PSMD5: variants seen among roughly 807,000 people sequenced by gnomAD.
PSMD5 encodes the protein proteasome 26S subunit, non-ATPase 5, also known as 26S proteasome non-ATPase regulatory subunit 5.
PSMD5 carries 40 observed loss-of-function variants against 52.1 expected under a neutral mutation model. That is an observed-to-expected ratio of 0.77 (90% confidence interval 0.60 to 1.00). PSMD5 has a LOEUF of 1.00. Ranked by LOEUF, PSMD5 falls within the 50% of genes least tolerant of loss-of-function variation. The probability of loss-of-function intolerance (pLI) is 0.00; values close to 1 mark genes in which losing one functional copy is unlikely to be tolerated. For synonymous variants in PSMD5, 211 were observed against 226.6 expected, an observed-to-expected ratio of 0.93 and a Z score of 0.62; for missense variants, 575 against 605.2, an observed-to-expected ratio of 0.95 and a Z score of 0.52.
chr9:120,831,600 TC>T lies in PSMD5; in HGVS notation c.433-142del. 3 of 1,178,934 alleles carry T rather than the reference TC, an allele frequency of 2.5e-6. No individual in the cohort carries two copies. In the South Asian group the frequency reaches 4.8e-5, roughly 19 times the overall value. 73.0% of individuals were successfully genotyped at this position (1,178,934 alleles called of 1,614,324 possible). A position where few individuals can be genotyped will look rare whatever the true frequency, so the allele number is the denominator to read the frequency against. On this transcript the variant is annotated intron_variant, in intron 3 of 9. Coordinates refer to ENST00000210313, the MANE Select transcript of PSMD5 (RefSeq NM_005047.4). ...TTATAATTGGAAAAGACGCAAGGTA[TC>T]CCCCATAGAATTATGATGGATACTG... is the stretch of plus-strand genomic sequence containing the variant.
At position 120,821,457 on chromosome 9, in the gene PSMD5, G is replaced by A. The variant is rs749246640; in HGVS notation, c.1014C>T (p.Arg338=). 1 of 1,587,188 alleles carries A rather than the reference G, an allele frequency of 6.3e-7. No homozygotes were observed. Among genetic ancestry groups the A allele is most frequent in the Non-Finnish European group, 8.6e-7 (1 of 1,168,536 alleles). Residue 338 remains arginine, a synonymous_variant, in exon 8 of 10, where the codon CGC becomes CGT. Transcript: ENST00000210313. ...CTATTCTCATAAGCAAGCGTTCAAA[G>A]CGAGTTCCTTTGAAGGATAACAGTG... The part of the protein sequence containing the change: ...GKQVLQKTGT[R]FERLLMRIGH...
chr9:120,829,907 A>G (rs895839639), intron 4 of PSMD5, among the ~76,000 whole-genome samples: 12 of 152,208 alleles, frequency 7.9e-5, no homozygotes, highest in African/African-American at 2.9e-4. Flanking sequence ...ATATAGGAAG[A>G]CACTGAAGGG....
At chr9:120,821,537 CA>C in intron 7 of PSMD5, 73 bp from the exon 8 acceptor site, 1 of 1,104,708 alleles carries the variant, frequency 9.1e-7, no homozygotes, top group Non-Finnish European at 1.3e-6. Context: ...CCATTTTAAC[CA>C]TTTTTAGTGT....
At chr9:120,825,360 C>G (rs1252531050) in intron 6 of PSMD5, among the ~76,000 whole-genome samples, 4 of 152,082 alleles carry the variant, frequency 2.6e-5, no homozygotes, top group Admixed American at 2.6e-4. Flanking sequence ...AAAAAATTAA[C>G]TTTTAACTGA....
intron 5 of PSMD5, among the ~76,000 whole-genome samples, chr9:120,827,132 T>G (rs886552035): frequency 1.3e-5 from 2 of 152,236 alleles, no homozygotes; most frequent in African/African-American, 4.8e-5. Flanking sequence ...ATCTTGACCT[T>G]CTGATTTGAA....
At chr9:120,818,432 T>C (rs1175521016) in intron 9 of PSMD5, among the ~76,000 whole-genome samples, 1 of 151,936 alleles carries the variant, frequency 6.6e-6, no homozygotes, top group Non-Finnish European at 1.5e-5. Flanking sequence ...TATATAGCAA[T>C]AAAAATAAAC....
At chr9:120,830,863 C>A in intron 4 of PSMD5, among the ~76,000 whole-genome samples, 1 of 148,942 alleles carries the variant, frequency 6.7e-6, no homozygotes, top group Admixed American at 6.9e-5. Context: ...TCTTCTCTAT[C>A]ATAGTAATTA....
intron 9 of PSMD5, 104 bp from the exon 10 acceptor site, chr9:120,818,267 A>G (rs2045059335): frequency 8.4e-7 from 1 of 1,197,240 alleles, no homozygotes; most frequent in African/African-American, 1.5e-5. Flanking sequence ...AACTTTAAAA[A>G]TGTTACCTTT....
chr9:120,836,140 C>T (rs938832691), intron 1 of PSMD5, among the ~76,000 whole-genome samples: 6 of 152,206 alleles, frequency 3.9e-5, no homozygotes, highest in African/African-American at 1.4e-4. Context: ...AGCACAACGT[C>T]TTCAAAGTTC....
At chr9:120,835,419 C>T (rs565718703) in intron 1 of PSMD5, among the ~76,000 whole-genome samples, 21 of 152,178 alleles carry the variant, frequency 1.4e-4, no homozygotes, top group South Asian at 4.2e-4. Context: ...CCAGAATAGA[C>T]GAATCCATAT....
chr9:120,825,840 T>C (rs1277678174), intron 6 of PSMD5, among the ~76,000 whole-genome samples: 1 of 152,154 alleles, frequency 6.6e-6, no homozygotes, highest in Admixed American at 6.5e-5. Context: ...TATATATTAA[T>C]AAAACATTAC....
At chr9:120,838,157 G>C (rs1588072817) in intron 1 of PSMD5, among the ~76,000 whole-genome samples, 1 of 152,212 alleles carries the variant, frequency 6.6e-6, no homozygotes, top group East Asian at 1.9e-4. Context: ...GGGAGCCTCT[G>C]GGAGTGAAAG....
rs1032741008 is a variant in PSMD5, at chr9:120,817,836, T to C, written c.*70A>G. On this transcript the variant is annotated 3_prime_UTR_variant, in exon 10 of 10. Transcript: ENST00000210313. ...GAAAGGAAGTCTCTTTTGTGAAATATAGATGGAGTCAAATGCCTTAGGAGA... is the reference window on the plus strand; with the variant it reads ...GAAAGGAAGTCTCTTTTGTGAAATACAGATGGAGTCAAATGCCTTAGGAGA... 5.5e-6 allele frequency: 8 copies of C among 1,463,804 alleles called. No homozygotes were observed. In the African/African-American group the frequency reaches 7.1e-5, roughly 13 times the overall value. The allele number at this position is 1,463,804 out of a possible 1,614,324, so 90.7% of individuals were successfully genotyped here.
In PSMD5 at chr9:120,842,501, A is replaced by G. The variant is rs2045247070; in HGVS notation, c.173+236T>C. 5 of 575,194 alleles carry G rather than the reference A, an allele frequency of 8.7e-6. No homozygotes were observed. The South Asian group carries it at 1.1e-4, about 12-fold the overall frequency. The allele number at this position is 575,194 out of a possible 1,614,324, so 35.6% of individuals were successfully genotyped here. The stretch of plus-strand genomic sequence containing the variant: ...TATTTGATGAAGAAGGCAGTGCCTC[A>G]CTGCTCAGAGGCAGCGAGGCCAGGC... On this transcript the variant is annotated intron_variant, in intron 1 of 9. Transcript: ENST00000210313.
chr9:120,818,013 C>T lies in PSMD5; in HGVS notation c.1408G>A (p.Ala470Thr), dbSNP rs368317140. The T allele has an allele frequency of 1.2e-6, 2 of 1,614,172 alleles. No homozygotes were observed. The highest frequency in any genetic ancestry group is 1.7e-6 in the Non-Finnish European group (2 of 1,180,024). Reference sequence around the variant, plus strand: ...TAATTTGGGTTCCCAAAGATTTCTGCAATTGTCTTGGAATTGGCAAGTGCT... The same window carrying T: ...TAATTTGGGTTCCCAAAGATTTCTGTAATTGTCTTGGAATTGGCAAGTGCT... The part of the protein sequence containing the change: ...VKALANSKTI[A>T]EIFGNPNYLR... The change falls in exon 10 of 10, where the codon GCA becomes ACA. Residue 470 changes from alanine (A) to threonine (T), a missense_variant. Physicochemically the swap from Ala to Thr is moderately conservative, Grantham distance 58. Transcript: ENST00000210313.
chr9:120,833,975 CTTT>C (rs34657179), intron 1 of PSMD5, among the ~76,000 whole-genome samples: 6 of 80,324 alleles, frequency 7.5e-5, no homozygotes, highest in African/African-American at 1.6e-4. Flanking sequence ...CGCACCTGGC[CTTT>C]TTTTTTTTTT....
intron 1 of PSMD5, chr9:120,842,262 C>CA (rs1036369705): frequency 6.4e-6 from 1 of 155,958 alleles, no homozygotes; most frequent in Admixed American, 6.4e-5. Context: ...TTCGAAAGAA[C>CA]AAAGTAACTG....
chr9:120,840,365 C>T (rs1018693103), intron 1 of PSMD5, among the ~76,000 whole-genome samples: 9 of 151,846 alleles, frequency 5.9e-5, no homozygotes, highest in African/African-American at 2.2e-4. Flanking sequence ...AGCGATCCAC[C>T]CGCCTCAGCC....
At chr9:120,825,551 G>T (rs1166720108) in intron 6 of PSMD5, among the ~76,000 whole-genome samples, 1 of 152,138 alleles carries the variant, frequency 6.6e-6, no homozygotes, top group Non-Finnish European at 1.5e-5. Context: ...TCCAATCCAT[G>T]AACATAGGAT....
Sources: gnomAD v4.1 joint callset for allele counts (sites outside exome capture counted in the v4.1 genomes callset) on GRCh38, gnomAD v4.1.1 for gene constraint, MANE v1.5 for transcripts, NCBI Gene and HGNC (gene_info 2026-07-23, HGNC 2026-07-21) for gene names.